Variants in CCDC7 observed in about 807,000 individuals in gnomAD.
CCDC7 encodes the protein coiled-coil domain-containing protein 7.
Under a neutral mutation model 196.9 loss-of-function variants are expected in CCDC7, and 183 were observed. The ratio of observed to expected loss-of-function variants is 0.93; its 90% CI spans 0.82 to 1.05. The LOEUF (loss-of-function observed/expected upper bound fraction) is 1.05, where lower values mean the gene tolerates loss of function less well. Ranked by LOEUF, CCDC7 falls within the 50% of genes least tolerant of loss-of-function variation. The probability of loss-of-function intolerance (pLI) is 0.00; values close to 1 mark genes in which losing one functional copy is unlikely to be tolerated. For missense variants in CCDC7, 1,540 were observed against 1,482.2 expected, an observed-to-expected ratio of 1.04 and a Z score of -0.64; for synonymous variants, 525 against 484.6, an observed-to-expected ratio of 1.08 and a Z score of -1.10.
intron 18 of CCDC7, among the ~76,000 whole-genome samples, chr10:32,614,925 A>G (rs888627311): frequency 5.3e-5 from 8 of 152,334 alleles, no homozygotes; most frequent in Middle Eastern, 6.8e-3. Context: ...TATTTCACTT[A>G]GTATAATGGC....
At chr10:32,712,980 A>T (rs371485432) in intron 25 of CCDC7, among the ~76,000 whole-genome samples, 1 of 152,194 alleles carries the variant, frequency 6.6e-6, no homozygotes. Flanking sequence ...CAGAGTGTTA[A>T]TACTGGTTTT....
chr10:32,550,524 T>C, intron 13 of CCDC7, among the ~76,000 whole-genome samples: 1 of 152,162 alleles, frequency 6.6e-6, no homozygotes, highest in South Asian at 2.1e-4. Context: ...CTCCATTCAG[T>C]ATTATGTTGG....
chr10:32,586,196 C>A (rs575078788), intron 18 of CCDC7, among the ~76,000 whole-genome samples: 68 of 152,240 alleles, frequency 4.5e-4, no homozygotes, highest in Admixed American at 1.1e-3. Context: ...CTGTTCATAT[C>A]CTTCGCCCAC....
chr10:32,791,750 T>C (rs978749051), intron 29 of CCDC7, among the ~76,000 whole-genome samples: 1 of 151,990 alleles, frequency 6.6e-6, no homozygotes, highest in East Asian at 1.9e-4. Flanking sequence ...TTAGCAAACA[T>C]TGACATTACA....
intron 4 of CCDC7, 28 bp downstream of exon 5, chr10:32,462,731 CT>C: frequency 6.9e-7 from 1 of 1,451,418 alleles, no homozygotes; most frequent in South Asian, 1.3e-5. Context: ...CAGCTTAAGC[CT>C]ACTAAAACTT....
intron 28 of CCDC7, among the ~76,000 whole-genome samples, chr10:32,737,952 T>C (rs1348388670): frequency 6.6e-6 from 1 of 152,188 alleles, no homozygotes; most frequent in Non-Finnish European, 1.5e-5. Flanking sequence ...TATAGTCAGA[T>C]TTTTTTATTC....
At chr10:32,661,423 C>G (rs1468670623) in intron 20 of CCDC7, among the ~76,000 whole-genome samples, 1 of 152,030 alleles carries the variant, frequency 6.6e-6, no homozygotes, top group Admixed American at 6.6e-5. Flanking sequence ...GCAATTTTTC[C>G]TCTGTTTTTC....
chr10:32,470,226 C>T (rs532805937), intron 5 of CCDC7, among the ~76,000 whole-genome samples: 4 of 152,248 alleles, frequency 2.6e-5, no homozygotes, highest in African/African-American at 9.6e-5. Context: ...AAGTCCTTGA[C>T]TTCATTTTTT....
At chr10:32,759,925 G>T (rs1021055223) in intron 28 of CCDC7, among the ~76,000 whole-genome samples, 12 of 152,116 alleles carry the variant, frequency 7.9e-5, no homozygotes, top group Admixed American at 7.2e-4. Flanking sequence ...CCATCAAAAA[G>T]TGGGCGAAGG....
chr10:32,847,719 A>AGG, intron 37 of CCDC7, 114 bp from the exon 39 acceptor site: 1 of 672,222 alleles, frequency 1.5e-6, no homozygotes. Context: ...TGTCTCTAAA[A>AGG]AAAAAAAGGA....
At chr10:32,608,137 C>G (rs537374280) in intron 18 of CCDC7, among the ~76,000 whole-genome samples, 1 of 152,128 alleles carries the variant, frequency 6.6e-6, no homozygotes, top group South Asian at 2.1e-4. Flanking sequence ...TTGTATTTCT[C>G]TGGTAACTAT....
chr10:32,547,705 G>C (rs1382116002), intron 13 of CCDC7, among the ~76,000 whole-genome samples: 3 of 152,148 alleles, frequency 2.0e-5, no homozygotes, highest in Admixed American at 6.5e-5. Flanking sequence ...GGGTAAATGA[G>C]TATCCATCTC....
At chr10:32,761,602 A>T (rs1267938517) in intron 28 of CCDC7, among the ~76,000 whole-genome samples, 3 of 152,012 alleles carry the variant, frequency 2.0e-5, no homozygotes, top group Non-Finnish European at 4.4e-5. Flanking sequence ...ACTACCCTGA[A>T]AGAAACCCTG....
At chr10:32,594,094 T>C (rs1331641996) in intron 18 of CCDC7, among the ~76,000 whole-genome samples, 3 of 152,176 alleles carry the variant, frequency 2.0e-5, no homozygotes, top group African/African-American at 4.8e-5. Flanking sequence ...AGAAAGTCAT[T>C]GGTAGCTTGA....
chr10:32,550,038 T>A (rs75184169), intron 13 of CCDC7, among the ~76,000 whole-genome samples: 20,362 of 152,126 alleles, frequency 0.13, 1,614 homozygotes, highest in African/African-American at 0.22. Context: ...ATTCCACCCA[T>A]CCATGAGCAT....
At chr10:32,528,565 G>A (rs1374641974) in intron 11 of CCDC7, among the ~76,000 whole-genome samples, 2 of 151,322 alleles carry the variant, frequency 1.3e-5, no homozygotes, top group Non-Finnish European at 2.9e-5. Context: ...TATCCAGGTT[G>A]CTGTGAATGA....
chr10:32,765,028 G>T (rs548444204), intron 28 of CCDC7, among the ~76,000 whole-genome samples: 89 of 152,106 alleles, frequency 5.9e-4, no homozygotes, highest in African/African-American at 1.9e-3. Context: ...ATAAGCAGAA[G>T]AGTTCTAGAT....
chr10:32,847,943 A>C, intron 38 of CCDC7, 27 bp downstream of exon 39: 2 of 1,410,616 alleles, frequency 1.4e-6, no homozygotes, highest in Non-Finnish European at 2.0e-6. Flanking sequence ...TAAGTCTAAT[A>C]TTTACAGTTT....
At chr10:32,486,284 T>G (rs1255766556) in intron 8 of CCDC7, among the ~76,000 whole-genome samples, 2 of 151,878 alleles carry the variant, frequency 1.3e-5, no homozygotes, top group Non-Finnish European at 2.9e-5. Flanking sequence ...TCTTTGTTGG[T>G]TTAAAGTCTG....
Sources: gnomAD v4.1 joint callset for allele counts (sites outside exome capture counted in the v4.1 genomes callset) on GRCh38, gnomAD v4.1.1 for gene constraint, MANE v1.5 for transcripts, NCBI Gene and HGNC (gene_info 2026-07-23, HGNC 2026-07-21) for gene names.